The following CCDC191 variants were observed in gnomAD, a reference collection of about 807,000 sequenced individuals.
CCDC191 encodes coiled-coil domain containing 191.
Under a neutral mutation model 114.0 loss-of-function variants are expected in CCDC191, and 99 were observed. The ratio of observed to expected loss-of-function variants is 0.87; its 90% CI spans 0.74 to 1.03. CCDC191 has a LOEUF of 1.03. Ranked by LOEUF, CCDC191 falls within the 50% of genes least tolerant of loss-of-function variation. CCDC191 has a pLI of 0.00. For missense variants in CCDC191, 973 were observed against 1,087.0 expected (o/e 0.90, Z 1.47); for synonymous variants, 351 against 376.0 (o/e 0.93, Z 0.77).
chr3:114,014,333 T>A (rs1292855461), intron 8 of CCDC191, among the ~76,000 whole-genome samples: 1 of 152,178 alleles, frequency 6.6e-6, no homozygotes, highest in African/African-American at 2.4e-5. Context: ...CCTCTGCCTG[T>A]GTGACAGAGA....
chr3:114,035,349 G>A (rs1244026869), intron 5 of CCDC191, among the ~76,000 whole-genome samples: 1 of 152,142 alleles, frequency 6.6e-6, no homozygotes, highest in Non-Finnish European at 1.5e-5. Flanking sequence ...GAAGTCAGAT[G>A]AAGATGACTC....
chr3:114,002,935 CGT>C lies in CCDC191; in HGVS notation c.1979-399_1979-398del, dbSNP rs2075882211. 5 of 983,190 alleles carry C rather than the reference CGT, an allele frequency of 5.1e-6. No individual in the cohort carries two copies. In the African/African-American group the frequency reaches 8.7e-5, roughly 17 times the overall value. The allele number at this position is 983,190 out of a possible 1,614,324, so 60.9% of individuals were successfully genotyped here. On this transcript the variant is annotated intron_variant, in intron 11 of 16. Transcript: ENST00000295878. The stretch of plus-strand genomic sequence containing the variant: ...CTAACAAGTACTTTGAGAGTAGAAT[CGT>C]TCCTCAAATCCTATTGAATCTGCTA...
intron 5 of CCDC191, among the ~76,000 whole-genome samples, chr3:114,035,933 ATAATT>A (rs944045534): frequency 2.0e-4 from 30 of 152,228 alleles, no homozygotes; most frequent in South Asian, 4.1e-4. Flanking sequence ...CCTTCATTGA[ATAATT>A]TAAAGCAGTT....
chr3:114,047,546 C>T (rs1384861685), intron 2 of CCDC191, among the ~76,000 whole-genome samples: 1 of 151,314 alleles, frequency 6.6e-6, no homozygotes, highest in African/African-American at 2.4e-5. Flanking sequence ...ACCTATAATC[C>T]TAGCTACTTC....
At chr3:113,969,017 G>A (rs1346160616) in intron 16 of CCDC191, among the ~76,000 whole-genome samples, 1 of 152,186 alleles carries the variant, frequency 6.6e-6, no homozygotes, top group African/African-American at 2.4e-5. Flanking sequence ...GCTATCATGT[G>A]CAGAGATCCA....
intron 7 of CCDC191, among the ~76,000 whole-genome samples, chr3:114,028,060 C>A (rs564912985): frequency 1.3e-5 from 2 of 152,066 alleles, no homozygotes; most frequent in East Asian, 3.9e-4. Context: ...ACCCCATATA[C>A]GCTGGGGAAA....
intron 7 of CCDC191, among the ~76,000 whole-genome samples, chr3:114,027,291 T>C (rs2076333786): frequency 6.6e-6 from 1 of 152,142 alleles, no homozygotes; most frequent in Non-Finnish European, 1.5e-5. Context: ...CCAAATAAGA[T>C]GTTAAGAGAT....
rs1412711422 is a variant in CCDC191 at position 113,964,746 on chromosome 3, T to C, written c.*409A>G. On this transcript the variant is annotated 3_prime_UTR_variant, in exon 17 of 17. Coordinates refer to ENST00000295878, the MANE Select transcript of CCDC191 (RefSeq NM_020817.2). ...TACTGCACTAGAAGGCTGAGTGCCT[T>C]GGCCCGCCCTTCCTTTCCGAGCACT... The C allele has an allele frequency of 6.5e-6, 1 of 152,698 alleles. No homozygotes were observed. Among genetic ancestry groups the C allele is most frequent in the East Asian group, 1.9e-4 (1 of 5,208 alleles). The allele number at this position is 152,698 out of a possible 1,614,324, so 9.5% of individuals were successfully genotyped here.
At chr3:114,031,820 G>C in intron 6 of CCDC191, 41 bp from the exon 7 acceptor site, 1 of 915,404 alleles carries the variant, frequency 1.1e-6, no homozygotes, top group Non-Finnish European at 1.7e-6. Context: ...ATTTACAATA[G>C]ATTTAAAAAT....
chr3:114,002,588 A>G, intron 11 of CCDC191, 50 bp from the exon 12 acceptor site: 1 of 1,443,678 alleles, frequency 6.9e-7, no homozygotes, highest in South Asian at 1.3e-5. Flanking sequence ...AAAAAATATG[A>G]GGAATACTGC....
intron 13 of CCDC191, among the ~76,000 whole-genome samples, chr3:113,993,302 C>A (rs1448376261): frequency 1.3e-5 from 2 of 151,900 alleles, no homozygotes; most frequent in Non-Finnish European, 2.9e-5. Flanking sequence ...ACTAGAATAG[C>A]CAAAACATTC....
intron 10 of CCDC191, 86 bp from the exon 11 acceptor site, chr3:114,004,832 C>T: frequency 5.0e-6 from 7 of 1,413,246 alleles, no homozygotes; most frequent in Admixed American, 2.2e-5. Context: ...AAGCCTTTTA[C>T]AGACCTTAAT....
intron 16 of CCDC191, among the ~76,000 whole-genome samples, chr3:113,976,085 G>A (rs1941310471): frequency 1.4e-5 from 2 of 143,372 alleles, no homozygotes; most frequent in African/African-American, 4.9e-5. Flanking sequence ...GGTAAAAAAC[G>A]CTGTCTCTAC....
chr3:113,968,364 G>A (rs1057054320), intron 16 of CCDC191, among the ~76,000 whole-genome samples: 1 of 152,004 alleles, frequency 6.6e-6, no homozygotes, highest in Non-Finnish European at 1.5e-5. Flanking sequence ...GTTTTGATTT[G>A]GATTTCTCTG....
At chr3:114,042,440 G>A (rs751913176) in intron 4 of CCDC191, among the ~76,000 whole-genome samples, 3 of 152,116 alleles carry the variant, frequency 2.0e-5, no homozygotes, top group Admixed American at 6.5e-5. Context: ...TATCTGTGGG[G>A]GCCAGGGGGT....
At chr3:114,007,426 C>T (rs1665934714) in intron 9 of CCDC191, among the ~76,000 whole-genome samples, 1 of 152,204 alleles carries the variant, frequency 6.6e-6, no homozygotes, top group South Asian at 2.1e-4. Flanking sequence ...GAAACTCTGA[C>T]ATGTTAAACA....
chr3:114,022,225 T>G (rs2076253737), intron 7 of CCDC191, among the ~76,000 whole-genome samples: 1 of 152,186 alleles, frequency 6.6e-6, no homozygotes, highest in Non-Finnish European at 1.5e-5. Context: ...TTACCTGCAC[T>G]GGAGTTGCCC....
intron 13 of CCDC191, 135 bp from the exon 14 acceptor site, chr3:113,980,928 T>C (rs2075128149): frequency 1.3e-6 from 1 of 762,628 alleles, no homozygotes. Flanking sequence ...CTCTGGATAA[T>C]AGGGCTTTTT....
intron 9 of CCDC191, 62 bp from the exon 10 acceptor site, chr3:114,006,024 A>C (rs767961804): frequency 7.2e-7 from 1 of 1,393,418 alleles, no homozygotes; most frequent in Non-Finnish European, 1.0e-6. Flanking sequence ...GAAATCCAAC[A>C]TTTATGAGGT....
Sources: gnomAD v4.1 joint callset for allele counts (sites outside exome capture counted in the v4.1 genomes callset) on GRCh38, gnomAD v4.1.1 for gene constraint, MANE v1.5 for transcripts, NCBI Gene and HGNC (gene_info 2026-07-23, HGNC 2026-07-21) for gene names.